SAMD14: variants seen among roughly 807,000 people sequenced by gnomAD.
SAMD14 encodes sterile alpha motif domain-containing protein 14.
A neutral mutation model predicts 46.2 loss-of-function variants in SAMD14; 27 were observed. That is an observed-to-expected ratio of 0.58 (90% CI 0.43 to 0.81). SAMD14 has a LOEUF of 0.81. Among genes scored for constraint, SAMD14 ranks in the 30% least tolerant of loss-of-function variants. SAMD14 has a pLI of 0.00. For missense variants in SAMD14, 559 were observed against 582.2 expected (o/e 0.96, Z 0.41); for synonymous variants, 241 against 254.3 (o/e 0.95, Z 0.50).
At chr17:50,128,304 T>C (rs1911868758) in intron 1 of SAMD14, among the ~76,000 whole-genome samples, 1 of 152,128 alleles carries the variant, frequency 6.6e-6, no homozygotes, top group Admixed American at 6.5e-5. Flanking sequence ...CAAACTGCTC[T>C]CTTTTCTTCC....
chr17:50,124,771 G>GCGCGTGCA (rs71353620), intron 2 of SAMD14, 146 bp downstream of exon 2: 2 of 569,596 alleles, frequency 3.5e-6, no homozygotes, highest in Admixed American at 2.7e-5. Context: ...ACGCGCGCGC[G>GCGCGTGCA]CACACACACA....
chr17:50,118,487 C>T (rs1487490547), intron 2 of SAMD14, among the ~76,000 whole-genome samples, 160 bp from the exon 3 acceptor site: 1 of 152,230 alleles, frequency 6.6e-6, no homozygotes, highest in African/African-American at 2.4e-5. Context: ...GTCTCCCCGT[C>T]TCAGGTGGGA....
intron 2 of SAMD14, among the ~76,000 whole-genome samples, chr17:50,120,225 T>A (rs1282090667): frequency 6.6e-6 from 1 of 152,142 alleles, no homozygotes; most frequent in Non-Finnish European, 1.5e-5. Flanking sequence ...CTGTTTGAGA[T>A]TTTCCTTAAT....
chr17:50,122,273 C>G (rs1412298646), intron 2 of SAMD14, among the ~76,000 whole-genome samples: 1 of 152,208 alleles, frequency 6.6e-6, no homozygotes, highest in African/African-American at 2.4e-5. Context: ...AGGGTGAAAC[C>G]CTTCCCTGTC....
chr17:50,114,375 G>A lies in SAMD14; in HGVS notation c.823-69C>T, dbSNP rs1567718285. 3.1e-6 allele frequency: 5 copies of A among 1,613,958 alleles called. No homozygotes were observed. In the South Asian group the frequency reaches 5.5e-5, roughly 18 times the overall value. On this transcript the variant is annotated intron_variant, in intron 7 of 9. Transcript: ENST00000330175. ...AACCCACCATCCCTATCTGGGTGGA[G>A]CCGAAGTCCTGGACTAGGCACCAGG... is the stretch of plus-strand genomic sequence containing the variant.
At chr17:50,126,611 T>G (rs1911786529) in intron 1 of SAMD14, among the ~76,000 whole-genome samples, 1 of 151,792 alleles carries the variant, frequency 6.6e-6, no homozygotes, top group African/African-American at 2.4e-5. Context: ...GGCCTGGGAA[T>G]TTTCATATCC....
rs1063647 is a variant in SAMD14, at chr17:50,110,520, C to T, written c.*2373G>A. The T allele has an allele frequency of 0.57, 88,292 of 155,112 alleles. 25,308 individuals carry two copies. Among genetic ancestry groups the T allele is most frequent in the African/African-American group, 0.64 (26,771 of 41,576 alleles). The allele number at this position is 155,112 out of a possible 1,614,324, so 9.6% of individuals were successfully genotyped here. On this transcript the variant is annotated 3_prime_UTR_variant, in exon 10 of 10. Coordinates refer to ENST00000330175, the MANE Select transcript of SAMD14 (RefSeq NM_001257359.2). ...GCCCACAAAGGCACCCTGGCCTTGG[C>T]CTGCTGAAGTGTTAGGAAGAGGGTG...
chr17:50,115,592 C>G lies in SAMD14; in HGVS notation c.794G>C (p.Gly265Ala). Reference sequence around the variant, plus strand: ...GGAAGCTGACTTCTTAGGGCTGAAGCCCTCGTGTTTAGGGGAGCAGGTGGG... The same window carrying G: ...GGAAGCTGACTTCTTAGGGCTGAAGGCCTCGTGTTTAGGGGAGCAGGTGGG... Reference protein sequence around the residue: ...TSPTCSPKHEGFSPKKSASQE... With the variant: ...TSPTCSPKHEAFSPKKSASQE... The change falls in exon 7 of 10, where the codon GGC becomes GCC. Residue 265 changes from glycine (G) to alanine (A), a missense_variant. Coordinates refer to ENST00000330175, the MANE Select transcript of SAMD14 (RefSeq NM_001257359.2). This position sits in a 1 kb window ranked among gnomAD's most constrained non-coding sequence, Gnocchi z 5.3. 6.4e-7 allele frequency: 1 copy of G among 1,574,302 alleles called. No individual in the cohort carries two copies. The highest frequency in any genetic ancestry group is 8.6e-7 in the Non-Finnish European group (1 of 1,157,568).
rs2144380153 is a variant in SAMD14, at chr17:50,110,180, G to C, written c.*2713C>G. 1 of 1,420,960 alleles carries C rather than the reference G, an allele frequency of 7.0e-7. No homozygotes were observed. Among genetic ancestry groups the C allele is most frequent in the East Asian group, 2.5e-5 (1 of 39,596 alleles). 88.0% of individuals were successfully genotyped at this position (1,420,960 alleles called of 1,614,324 possible). The stretch of plus-strand genomic sequence containing the variant: ...GTGGTGCCCCTCACCATCCTCCTGG[G>C]GGAGCAGGGGGTGGGTTCTCCCTGA... On this transcript the variant is annotated 3_prime_UTR_variant, in exon 10 of 10. Coordinates refer to ENST00000330175, the MANE Select transcript of SAMD14 (RefSeq NM_001257359.2).
rs183324687 is a variant in SAMD14 at position 50,116,550 on chromosome 17, C to T, written c.500-460G>A. On this transcript the variant is annotated intron_variant, in intron 4 of 9. Transcript: ENST00000330175. ...CCTCCTGAGTAGCTGGGATTACAGG[C>T]GCCCGCCACCACACCCGGCTAATTT... Among the ~76,000 whole-genome samples, 322 of 151,286 alleles carry T rather than the reference C, an allele frequency of 2.1e-3. 1 individual carries two copies. Among genetic ancestry groups the T allele is most frequent in the African/African-American group, 7.4e-3 (305 of 41,186 alleles).
intron 2 of SAMD14, 146 bp downstream of exon 2, chr17:50,124,771 G>GCGCACA (rs71353620): frequency 0.014 from 7,677 of 568,128 alleles, 48 homozygotes; most frequent in African/African-American, 0.029. Flanking sequence ...ACGCGCGCGC[G>GCGCACA]CACACACACA....
At chr17:50,118,134 A>G (rs1433326446) in intron 3 of SAMD14, 27 bp downstream of exon 3, 1 of 1,561,606 alleles carries the variant, frequency 6.4e-7, no homozygotes. Flanking sequence ...GGGAGGGTGT[A>G]TATGTGTTTT....
chr17:50,126,551 C>T (rs933553407), intron 1 of SAMD14, among the ~76,000 whole-genome samples: 27 of 151,958 alleles, frequency 1.8e-4, no homozygotes, highest in Non-Finnish European at 7.4e-5. Context: ...GTGATCCACC[C>T]GCCTCGGCCT....
chr17:50,114,362 C>G (rs140946126), intron 7 of SAMD14, 56 bp from the exon 8 acceptor site: 756 of 1,614,088 alleles, frequency 4.7e-4, no homozygotes, highest in Admixed American at 5.7e-4. Flanking sequence ...CCCACCATCC[C>G]TATCTGGGTG....
At position 50,125,495 on chromosome 17, in the gene SAMD14, C is replaced by T. The variant is rs182378873; in HGVS notation, c.-12-524G>A. 943 of 167,970 alleles carry T rather than the reference C, an allele frequency of 5.6e-3. 5 individuals are homozygous for T. The highest frequency in any genetic ancestry group is 8.7e-3 in the Middle Eastern group (3 of 344). 10.4% of individuals were successfully genotyped at this position (167,970 alleles called of 1,614,324 possible). On this transcript the variant is annotated intron_variant, in intron 1 of 9. Transcript: ENST00000330175. ...AGGACCAGGACCCAGGTTCTACCAT[C>T]CGTCTACCCACCTATGCACTCATCC... is the stretch of plus-strand genomic sequence containing the variant.
intron 7 of SAMD14, chr17:50,114,565 GGC>G: frequency 1.2e-6 from 1 of 855,434 alleles, no homozygotes; most frequent in Non-Finnish European, 1.8e-6. Flanking sequence ...GGCGGTCTCA[GGC>G]AAGGTGTCAC....
rs768124724 is a variant in SAMD14 at position 50,112,874 on chromosome 17, A to G, written c.*19T>C. 4 of 1,592,384 alleles carry G rather than the reference A, an allele frequency of 2.5e-6. No individual in the cohort carries two copies. In the South Asian group the frequency reaches 3.3e-5, roughly 13 times the overall value. ...CCAGTGGCTGCCCCTGCCGGGTGCCAGCGCCTGTGCACCCTCCCCTAGCTC... is the reference window on the plus strand; with the variant it reads ...CCAGTGGCTGCCCCTGCCGGGTGCCGGCGCCTGTGCACCCTCCCCTAGCTC... On this transcript the variant is annotated 3_prime_UTR_variant, in exon 10 of 10. Transcript: ENST00000330175.
rs1396993990 is a variant in SAMD14, at chr17:50,122,529, T to A, written c.43+2388A>T. Among the ~76,000 whole-genome samples, 3 of 152,122 alleles carry A rather than the reference T, an allele frequency of 2.0e-5. 1 individual carries two copies. The highest frequency in any genetic ancestry group is 4.4e-5 in the Non-Finnish European group (3 of 68,026). On this transcript the variant is annotated intron_variant, in intron 2 of 9. Transcript: ENST00000330175. ...CCTTGTTTATTTGTGTGTGCTTTGA[T>A]CATCTGTCCCCCTACTTGCCCCTGC...
Position 50,124,914 on chromosome 17 carries a change from T to TA in SAMD14, c.43+2dup. 6.2e-7 allele frequency: 1 copy of TA among 1,613,548 alleles called. No individual in the cohort carries two copies. Among genetic ancestry groups the TA allele is most frequent in the Middle Eastern group, 1.6e-4 (1 of 6,062 alleles). Reference sequence around the variant, plus strand: ...GCTAGAGATAGAGCCACACAGAACTTACCAAAAACTTCATCCACGGGTTCT... The same window carrying TA: ...GCTAGAGATAGAGCCACACAGAACTTAACCAAAAACTTCATCCACGGGTTCT... On this transcript the variant is annotated splice_region_variant and intron_variant, in intron 2 of 9. Transcript: ENST00000330175.
Sources: allele counts gnomAD v4.1 joint callset (sites outside exome capture counted in the v4.1 genomes callset), GRCh38; gene constraint gnomAD v4.1.1; non-coding constraint Gnocchi (gnomAD v3.1); transcripts MANE v1.5; gene names NCBI Gene and HGNC (gene_info 2026-07-23, HGNC 2026-07-21).